The following LYPD6 variants were observed in gnomAD, a reference collection of about 807,000 sequenced individuals.
LYPD6 encodes the protein ly6/PLAUR domain-containing protein 6.
Under a neutral mutation model 22.7 loss-of-function variants are expected in LYPD6, and 15 were observed. The ratio of observed to expected loss-of-function variants is 0.66; its 90% confidence interval spans 0.44 to 1.02. The LOEUF is 1.02. LYPD6 is among the 50% of genes least tolerant of loss of function. The pLI is 0.00. For missense variants in LYPD6, 189 were observed against 208.4 expected (o/e 0.91, Z 0.57); for synonymous variants, 72 against 77.5 (o/e 0.93, Z 0.37).
intron 1 of LYPD6, among the ~76,000 whole-genome samples, chr2:149,348,517 C>T (rs938258481): frequency 1.3e-5 from 2 of 152,188 alleles, no homozygotes; most frequent in African/African-American, 4.8e-5. Flanking sequence ...GGGAAGAGCC[C>T]TCCAGGCAGA....
intron 2 of LYPD6, among the ~76,000 whole-genome samples, chr2:149,446,633 C>A (rs528808608): frequency 6.6e-6 from 1 of 152,150 alleles, no homozygotes; most frequent in Non-Finnish European, 1.5e-5. Flanking sequence ...AAGCTGCTTT[C>A]CATCATTTTG....
chr2:149,336,626 A>T (rs570399306), intron 1 of LYPD6, among the ~76,000 whole-genome samples: 15 of 152,336 alleles, frequency 9.8e-5, no homozygotes, highest in African/African-American at 3.4e-4. Context: ...ATCTGTGTGG[A>T]AAGAAATACA....
chr2:149,465,287 C>CA (rs1466352233), intron 3 of LYPD6, among the ~76,000 whole-genome samples: 2 of 152,054 alleles, frequency 1.3e-5, no homozygotes, highest in African/African-American at 4.8e-5. Context: ...CAGGGTCAGA[C>CA]ATGGGAAAAG....
downstream of LYPD6, among the ~76,000 whole-genome samples, chr2:149,476,018 C>A (rs564147856): frequency 1.3e-5 from 2 of 152,108 alleles, no homozygotes; most frequent in Non-Finnish European, 2.9e-5. Context: ...GTGAGTAGAA[C>A]CTTAGAAAAC....
At chr2:149,398,209 C>A (rs1157568410) in intron 1 of LYPD6, among the ~76,000 whole-genome samples, 1 of 152,118 alleles carries the variant, frequency 6.6e-6, no homozygotes, top group Non-Finnish European at 1.5e-5. Context: ...CAACTGAAGT[C>A]TTTTAAAAAA....
intron 1 of LYPD6, among the ~76,000 whole-genome samples, chr2:149,410,803 G>T (rs1203627668): frequency 6.6e-6 from 1 of 152,178 alleles, no homozygotes; most frequent in South Asian, 2.1e-4. Flanking sequence ...GGCAGGTGAT[G>T]TGTAATACAT....
chr2:149,390,833 G>A (rs1378333038), intron 1 of LYPD6, among the ~76,000 whole-genome samples: 1 of 152,066 alleles, frequency 6.6e-6, no homozygotes, highest in Non-Finnish European at 1.5e-5. Context: ...AGATATAATT[G>A]GGTTCTTCCT....
intron 1 of LYPD6, among the ~76,000 whole-genome samples, chr2:149,359,108 A>C (rs1051217746): frequency 2.6e-5 from 4 of 152,260 alleles, no homozygotes; most frequent in Non-Finnish European, 5.9e-5. Flanking sequence ...TGGCACAAAC[A>C]TATTTTAAAG....
intron 1 of LYPD6, among the ~76,000 whole-genome samples, chr2:149,341,989 C>T (rs1350521876): frequency 6.6e-6 from 1 of 152,136 alleles, no homozygotes; most frequent in Non-Finnish European, 1.5e-5. Flanking sequence ...AAACTGTTAC[C>T]TAATTTTGGT....
At chr2:149,443,034 A>G (rs1573812190) in intron 2 of LYPD6, among the ~76,000 whole-genome samples, 1 of 152,192 alleles carries the variant, frequency 6.6e-6, no homozygotes, top group Non-Finnish European at 1.5e-5. Context: ...GCAAAGCTTC[A>G]TTTTGCTGCC....
intron 3 of LYPD6, among the ~76,000 whole-genome samples, chr2:149,465,192 G>A (rs1681174309): frequency 6.6e-6 from 1 of 152,112 alleles, no homozygotes; most frequent in Admixed American, 6.6e-5. Flanking sequence ...AGAACATCTG[G>A]AAGACAGAAC....
At chr2:149,390,858 A>G (rs2105097851) in intron 1 of LYPD6, among the ~76,000 whole-genome samples, 1 of 152,276 alleles carries the variant, frequency 6.6e-6, no homozygotes, top group East Asian at 1.9e-4. Flanking sequence ...GAGATTCATC[A>G]ATAATAAAAA....
At chr2:149,449,835 C>T (rs1157117273) in intron 3 of LYPD6, among the ~76,000 whole-genome samples, 1 of 152,128 alleles carries the variant, frequency 6.6e-6, no homozygotes, top group African/African-American at 2.4e-5. Context: ...ATAATGAGCA[C>T]AGGGAATTTT....
At chr2:149,427,711 T>A (rs1683215242) in intron 1 of LYPD6, among the ~76,000 whole-genome samples, 1 of 152,242 alleles carries the variant, frequency 6.6e-6, no homozygotes, top group Admixed American at 6.5e-5. Flanking sequence ...ATGGCTATAC[T>A]CAATAGCCTA....
At chr2:149,449,464 C>T (rs937358392) in intron 3 of LYPD6, among the ~76,000 whole-genome samples, 1 of 152,212 alleles carries the variant, frequency 6.6e-6, no homozygotes, top group Non-Finnish European at 1.5e-5. Context: ...AGGCATTAGT[C>T]AGTGCATAGT....
intron 1 of LYPD6, among the ~76,000 whole-genome samples, chr2:149,422,339 G>A (rs1683098998): frequency 6.6e-6 from 1 of 152,144 alleles, no homozygotes; most frequent in Non-Finnish European, 1.5e-5. Flanking sequence ...CCACTCCAGA[G>A]CCTGTGCTCC....
intron 1 of LYPD6, among the ~76,000 whole-genome samples, chr2:149,407,866 A>G (rs994394122): frequency 3.3e-5 from 5 of 151,844 alleles, no homozygotes; most frequent in Admixed American, 2.6e-4. Context: ...TTGTGGTTTT[A>G]TCTACTTTTG....
At chr2:149,385,359 C>T (rs1352196419) in intron 1 of LYPD6, among the ~76,000 whole-genome samples, 1 of 152,170 alleles carries the variant, frequency 6.6e-6, no homozygotes, top group Admixed American at 6.5e-5. Flanking sequence ...TCCAAGAGGA[C>T]AAACCCAGCA....
At chr2:149,432,519 G>A (rs909418937) in intron 1 of LYPD6, among the ~76,000 whole-genome samples, 1 of 152,130 alleles carries the variant, frequency 6.6e-6, no homozygotes, top group Non-Finnish European at 1.5e-5. Flanking sequence ...GTTCCTTGTG[G>A]AGTGAAGCTT....
Sources: gnomAD v4.1 joint callset for allele counts (sites outside exome capture counted in the v4.1 genomes callset) on GRCh38, gnomAD v4.1.1 for gene constraint, MANE v1.5 for transcripts, NCBI Gene and HGNC (gene_info 2026-07-23, HGNC 2026-07-21) for gene names.